The following KCTD3 variants were observed in gnomAD, a reference collection of about 807,000 sequenced individuals.
KCTD3 encodes BTB/POZ domain-containing protein KCTD3.
KCTD3 carries 41 observed loss-of-function variants against 85.8 expected under a neutral mutation model. That is an observed-to-expected ratio of 0.48 (90% CI 0.37 to 0.62). The LOEUF (loss-of-function observed/expected upper bound fraction) is 0.62. KCTD3 is among the 20% of genes least tolerant of loss of function. The probability of loss-of-function intolerance (pLI) is 0.00; values close to 1 mark genes in which losing one functional copy is unlikely to be tolerated. For synonymous variants in KCTD3, 338 were observed against 345.4 expected, an observed-to-expected ratio of 0.98 and a Z score of 0.24; for missense variants, 724 against 989.9, an observed-to-expected ratio of 0.73 and a Z score of 3.60.
At chr1:215,599,892 GAAAAAAA>G (rs200797797) in intron 10 of KCTD3, among the ~76,000 whole-genome samples, 52 of 85,166 alleles carry the variant, frequency 6.1e-4, no homozygotes, top group African/African-American at 2.1e-3. Context: ...CTCTTTCATT[GAAAAAAA>G]AAAAAAAAAA....
chr1:215,583,295 A>G (rs1052132316), intron 8 of KCTD3, among the ~76,000 whole-genome samples: 8 of 152,218 alleles, frequency 5.3e-5, no homozygotes, highest in African/African-American at 1.9e-4. Flanking sequence ...GGAGCAGGCA[A>G]TTCCCAGAAC....
chr1:215,568,939 A>G (rs1050319737), intron 1 of KCTD3, among the ~76,000 whole-genome samples: 1 of 152,060 alleles, frequency 6.6e-6, no homozygotes, highest in African/African-American at 2.4e-5. Context: ...CTCCTAATGT[A>G]AGAAATGGAG....
At chr1:215,593,333 C>T (rs1341352150) in intron 9 of KCTD3, among the ~76,000 whole-genome samples, 1 of 152,068 alleles carries the variant, frequency 6.6e-6, no homozygotes, top group African/African-American at 2.4e-5. Context: ...GGATTTTATA[C>T]ATATAATTAA....
chr1:215,579,115 G>A lies in KCTD3; in HGVS notation c.513G>A (p.Thr171=), dbSNP rs749823364. The A allele has an allele frequency of 4.3e-6, 7 of 1,609,686 alleles. No individual in the cohort carries two copies. The highest frequency in any genetic ancestry group is 1.7e-5 in the Admixed American group (1 of 59,150). Residue 171 remains threonine (T), a synonymous_variant, in exon 7 of 18, where the codon ACG becomes ACA. Transcript: ENST00000259154. ...GNGTQPVLSG[T]GEETVRLGFP... ...GTACACAGCCTGTTCTCTCTGGAACGGGAGAAGAAACTGTTAGGCTAGGTA... is the reference window on the plus strand; with the variant it reads ...GTACACAGCCTGTTCTCTCTGGAACAGGAGAAGAAACTGTTAGGCTAGGTA...
Position 215,578,089 on chromosome 1 carries a change from C to T in KCTD3, c.397+8C>T. 2 of 1,607,222 alleles carry T rather than the reference C, an allele frequency of 1.2e-6. No individual in the cohort carries two copies. The highest frequency in any genetic ancestry group is 1.7e-6 in the Non-Finnish European group (2 of 1,175,772). ...GTTACTTGCCCCCACCAGGTATTTT[C>T]ACTTTATTAAATCTTTTAAAAAATT... On this transcript the variant is annotated splice_region_variant and intron_variant, in intron 6 of 17. Coordinates refer to ENST00000259154, the MANE Select transcript of KCTD3 (RefSeq NM_016121.5).
At chr1:215,606,237 T>TGCC (rs1373434293) in intron 13 of KCTD3, among the ~76,000 whole-genome samples, 1 of 152,158 alleles carries the variant, frequency 6.6e-6, no homozygotes, top group Non-Finnish European at 1.5e-5. Flanking sequence ...GTCATTCTGG[T>TGCC]GCCGTTTCAA....
At chr1:215,571,555 CCTTCAGTT>C (rs1659368176) in intron 1 of KCTD3, among the ~76,000 whole-genome samples, 1 of 152,072 alleles carries the variant, frequency 6.6e-6, no homozygotes, top group South Asian at 2.1e-4. Context: ...TACTGTCTTT[CCTTCAGTT>C]AGCCAATGAA....
At chr1:215,580,828 T>A (rs1659790657) in intron 8 of KCTD3, 1 of 290,070 alleles carries the variant, frequency 3.4e-6, no homozygotes, top group African/African-American at 2.3e-5. Flanking sequence ...CAGATATAGT[T>A]TAAAGAATCC....
intron 10 of KCTD3, among the ~76,000 whole-genome samples, chr1:215,600,740 C>T (rs1413303632): frequency 6.6e-6 from 1 of 152,052 alleles, no homozygotes; most frequent in Admixed American, 6.6e-5. Flanking sequence ...AAGTAAAAGT[C>T]CCTTAACATT....
rs746571322 is a variant in KCTD3, at chr1:215,575,974, G to C, written c.257G>C (p.Arg86Thr). ...NFLRTKELDLRGVSINVLRHE... is the reference protein window; with the variant it reads ...NFLRTKELDLTGVSINVLRHE... Reference sequence around the variant, plus strand: ...CTTCGGACAAAAGAACTAGACTTAAGGTAAGAAATGCACTCTTTTTAAAGT... The same window carrying C: ...CTTCGGACAAAAGAACTAGACTTAACGTAAGAAATGCACTCTTTTTAAAGT... The change falls in exon 4 of 18, where the codon AGG (arginine) becomes ACG (threonine). Residue 86 changes from arginine (R) to threonine (T), a missense_variant and splice_region_variant. By Grantham distance (71) the Arg-to-Thr change is moderately conservative. Coordinates refer to ENST00000259154, the MANE Select transcript of KCTD3 (RefSeq NM_016121.5). The C allele has an allele frequency of 1.4e-6, 2 of 1,440,964 alleles. No homozygotes were observed. Among genetic ancestry groups the C allele is most frequent in the African/African-American group, 1.4e-5 (1 of 69,282 alleles). The allele number at this position is 1,440,964 out of a possible 1,614,324, so 89.3% of individuals were successfully genotyped here.
At position 215,604,318 on chromosome 1, in the gene KCTD3, T is replaced by C. The variant is rs1654933965; in HGVS notation, c.1309+16T>C. 2 of 1,600,382 alleles carry C rather than the reference T, an allele frequency of 1.2e-6. No homozygotes were observed. Among genetic ancestry groups the C allele is most frequent in the South Asian group, 1.1e-5 (1 of 90,554 alleles). ...CTTGTATCAGGTAAAATGATTTCAT[T>C]ATACTGGTAAGGAACTTGGCTCTGT... On this transcript the variant is annotated intron_variant, in intron 13 of 17. Transcript: ENST00000259154.
chr1:215,578,702 A>G (rs1659680871), intron 6 of KCTD3, among the ~76,000 whole-genome samples: 1 of 152,212 alleles, frequency 6.6e-6, no homozygotes, highest in Non-Finnish European at 1.5e-5. Context: ...CCATAATTGT[A>G]AAGAGTGGCT....
At chr1:215,577,968 A>G in intron 5 of KCTD3, 33 bp from the exon 6 acceptor site, 1 of 1,598,980 alleles carries the variant, frequency 6.3e-7, no homozygotes, top group South Asian at 1.1e-5. Context: ...GTTTGCATGT[A>G]CTCTTGACAA....
chr1:215,589,409 G>C (rs1464060104), intron 9 of KCTD3, among the ~76,000 whole-genome samples: 1 of 152,154 alleles, frequency 6.6e-6, no homozygotes, highest in Admixed American at 6.5e-5. Flanking sequence ...CCAAAGTGCT[G>C]GGATTACAGG....
At position 215,579,012 on chromosome 1, in the gene KCTD3, G is replaced by A. The variant is rs566861222; in HGVS notation, c.410G>A (p.Arg137His). The A allele has an allele frequency of 1.7e-5, 27 of 1,553,730 alleles. No homozygotes were observed. The East Asian group carries it at 3.6e-4, about 21-fold the overall frequency. The change falls in exon 7 of 18, where the codon CGT becomes CAT. Residue 137 changes from arginine (R) to histidine (H), a missense_variant. Coordinates refer to ENST00000259154, the MANE Select transcript of KCTD3 (RefSeq NM_016121.5). Reference protein sequence around the residue: ...GYLPPPGIPSRKINNTVRSAD... With the variant: ...GYLPPPGIPSHKINNTVRSAD... ...CTTCTCTTTATAGGTATTCCTAGTCGTAAAATAAACAACACAGTCAGATCT... is the reference window on the plus strand; with the variant it reads ...CTTCTCTTTATAGGTATTCCTAGTCATAAAATAAACAACACAGTCAGATCT...
chr1:215,604,398 T>A, intron 13 of KCTD3, 96 bp downstream of exon 13: 1 of 899,330 alleles, frequency 1.1e-6, no homozygotes, highest in Non-Finnish European at 1.7e-6. Context: ...AAAAATATAC[T>A]AAAAGAAGTA....
intron 8 of KCTD3, 121 bp downstream of exon 8, chr1:215,580,120 T>C: frequency 1.6e-6 from 1 of 641,116 alleles, no homozygotes; most frequent in Admixed American, 2.7e-5. Context: ...CCCTGCATAT[T>C]TTACCCATGT....
chr1:215,617,262 T>C (rs745593367), intron 15 of KCTD3, among the ~76,000 whole-genome samples: 4 of 152,148 alleles, frequency 2.6e-5, no homozygotes, highest in Admixed American at 2.6e-4. Flanking sequence ...TCTAGCAAAT[T>C]AGTTGAACCT....
At chr1:215,618,707 G>A in intron 15 of KCTD3, 179 bp from the exon 16 acceptor site, 1 of 569,540 alleles carries the variant, frequency 1.8e-6, no homozygotes, top group South Asian at 2.4e-5. Context: ...TCTCCATAGA[G>A]CTGTATATTT....
Sources: allele counts gnomAD v4.1 joint callset (sites outside exome capture counted in the v4.1 genomes callset), GRCh38; gene constraint gnomAD v4.1.1; transcripts MANE v1.5; gene names NCBI Gene and HGNC (gene_info 2026-07-23, HGNC 2026-07-21).